Variants in NTM observed in about 807,000 individuals in gnomAD.
NTM encodes the protein IgLON family member 2.
A neutral mutation model predicts 42.1 loss-of-function variants in NTM; 13 were observed. That is an observed-to-expected ratio of 0.31 (90% CI 0.20 to 0.49). The LOEUF is 0.49. NTM is among the 20% of genes least tolerant of loss of function. The pLI is 0.99. For missense variants in NTM, 373 were observed against 452.8 expected (o/e 0.82, Z 1.60); for synonymous variants, 187 against 179.2 (o/e 1.04, Z -0.35).
At chr11:132,310,313 G>A in intron 6 of NTM, 81 bp downstream of exon 6, 3 of 1,391,350 alleles carry the variant, frequency 2.2e-6, no homozygotes, top group Non-Finnish European at 2.9e-6. Context: ...CCACATTGTT[G>A]CAAACGAGTT....
Position 132,085,689 on chromosome 11 carries a change from A to G in NTM, c.168-60593A>G, listed in dbSNP as rs567851022. ...GACCAATTAATTAGAGCTCTTTTTT[A>G]TAGATATCATGCACATCACATATAT... On this transcript the variant is annotated intron_variant, in intron 2 of 8. Transcript: ENST00000683400. Among the ~76,000 whole-genome samples the G allele has an allele frequency of 3.9e-5, 6 of 152,298 alleles. No homozygotes were observed. The East Asian group carries it at 9.7e-4, about 25-fold the overall frequency.
chr11:131,457,111 A>G (rs1006820243), intron 1 of NTM, among the ~76,000 whole-genome samples: 1 of 152,240 alleles, frequency 6.6e-6, no homozygotes, highest in Non-Finnish European at 1.5e-5. Context: ...ACTTGGTGCT[A>G]GGGATATGGT....
At chr11:132,052,187 T>G (rs1475485743) in intron 2 of NTM, among the ~76,000 whole-genome samples, 1 of 152,216 alleles carries the variant, frequency 6.6e-6, no homozygotes, top group Non-Finnish European at 1.5e-5. Context: ...GAGGGAGATT[T>G]ACAAAGCCAA....
chr11:131,466,162 C>G (rs1318861653), intron 1 of NTM, among the ~76,000 whole-genome samples: 1 of 152,062 alleles, frequency 6.6e-6, no homozygotes, highest in Non-Finnish European at 1.5e-5. Flanking sequence ...GGATTGTGCC[C>G]GTCGAAGGAG....
At chr11:132,212,277 C>T (rs1369630446) in intron 4 of NTM, 130 bp downstream of exon 4, 5 of 688,904 alleles carry the variant, frequency 7.3e-6, no homozygotes, top group South Asian at 5.4e-5. Context: ...TGGTAATCTA[C>T]TCATGGCTCT....
intron 1 of NTM, among the ~76,000 whole-genome samples, chr11:131,477,250 A>G (rs189451370): frequency 5.9e-4 from 89 of 151,372 alleles, no homozygotes; most frequent in Middle Eastern, 6.8e-3. Context: ...CTCAGAGATG[A>G]AAAAAAACAG....
At chr11:132,188,884 A>G (rs1161910504) in intron 3 of NTM, among the ~76,000 whole-genome samples, 1 of 152,340 alleles carries the variant, frequency 6.6e-6, no homozygotes, top group Non-Finnish European at 1.5e-5. Context: ...GACAGTGTGC[A>G]TGGGAGCCAT....
intron 1 of NTM, chr11:131,661,141 G>C (rs2067999775): frequency 2.5e-6 from 2 of 814,156 alleles, no homozygotes; most frequent in African/African-American, 3.6e-5. Flanking sequence ...CAGGACGGAA[G>C]GTCCAGGTGG....
intron 1 of NTM, among the ~76,000 whole-genome samples, chr11:131,864,971 C>A (rs2046992670): frequency 6.6e-6 from 1 of 152,330 alleles, no homozygotes; most frequent in South Asian, 2.1e-4. Context: ...GCTTGGCAAC[C>A]TCTCCCGCAC....
chr11:132,200,143 T>C (rs1385023921), intron 3 of NTM, among the ~76,000 whole-genome samples: 1 of 152,100 alleles, frequency 6.6e-6, no homozygotes, highest in African/African-American at 2.4e-5. Context: ...AGCCATAACC[T>C]TTATGAGGGA....
At chr11:132,134,100 T>G (rs1160805437) in intron 2 of NTM, among the ~76,000 whole-genome samples, 1 of 152,176 alleles carries the variant, frequency 6.6e-6, no homozygotes, top group Non-Finnish European at 1.5e-5. Flanking sequence ...TTTTTTTTCT[T>G]TTTTTGTAAA....
chr11:132,189,924 C>A (rs2079031174), intron 3 of NTM, among the ~76,000 whole-genome samples: 1 of 152,204 alleles, frequency 6.6e-6, no homozygotes, highest in Admixed American at 6.5e-5. Context: ...GAGATAAAAA[C>A]ATTATAGGTC....
At chr11:131,473,712 C>T (rs771189183) in intron 1 of NTM, among the ~76,000 whole-genome samples, 3 of 152,064 alleles carry the variant, frequency 2.0e-5, no homozygotes, top group Non-Finnish European at 4.4e-5. Flanking sequence ...GAGGGGCTCA[C>T]TCTCTCTCCT....
At chr11:132,040,156 G>A (rs1008941751) in intron 2 of NTM, among the ~76,000 whole-genome samples, 9 of 152,018 alleles carry the variant, frequency 5.9e-5, no homozygotes, top group Non-Finnish European at 1.3e-4. Context: ...GGCTGGTCTC[G>A]AACTCTGAGC....
chr11:132,098,163 A>T (rs1026994451), intron 2 of NTM, among the ~76,000 whole-genome samples: 15 of 152,346 alleles, frequency 9.8e-5, no homozygotes, highest in Middle Eastern at 3.4e-3. Context: ...ATCAGTAGTT[A>T]TATCATTAGT....
At chr11:131,432,839 C>CCTTTTTTTTT (rs1565494793) in intron 1 of NTM, among the ~76,000 whole-genome samples, 3 of 68,694 alleles carry the variant, frequency 4.4e-5, no homozygotes, top group Non-Finnish European at 7.7e-5. Flanking sequence ...ATTTAGCATT[C>CCTTTTTTTTT]TTTTTTTTTT....
At chr11:132,051,139 C>T (rs546105698) in intron 2 of NTM, among the ~76,000 whole-genome samples, 34 of 152,334 alleles carry the variant, frequency 2.2e-4, no homozygotes, top group African/African-American at 6.7e-4. Flanking sequence ...CTTAATCTCT[C>T]AAAGTCTCAG....
At chr11:132,078,302 G>A (rs553460848) in intron 2 of NTM, among the ~76,000 whole-genome samples, 1 of 152,304 alleles carries the variant, frequency 6.6e-6, no homozygotes, top group African/African-American at 2.4e-5. Context: ...ACGGATGTGC[G>A]GCTTCGAACC....
intron 2 of NTM, among the ~76,000 whole-genome samples, chr11:131,987,722 A>C (rs1321470309): frequency 6.6e-6 from 1 of 152,228 alleles, no homozygotes; most frequent in Non-Finnish European, 1.5e-5. Context: ...CTTCTATCAA[A>C]TAATCCAAAT....
Sources: gnomAD v4.1 joint callset for allele counts (sites outside exome capture counted in the v4.1 genomes callset) on GRCh38, gnomAD v4.1.1 for gene constraint, MANE v1.5 for transcripts, NCBI Gene and HGNC (gene_info 2026-07-23, HGNC 2026-07-21) for gene names.